Variants in TLN2 observed in about 807,000 individuals in gnomAD.
The protein encoded by TLN2 is talin-2.
In TLN2, 118 loss-of-function variants were observed where a neutral mutation model predicts 294.7. The ratio of observed to expected loss-of-function variants is 0.40; its 90% CI spans 0.34 to 0.47. TLN2 has a LOEUF of 0.47. Ranked by LOEUF, TLN2 falls within the 20% of genes least tolerant of loss-of-function variation. The pLI is 0.84. For synonymous variants in TLN2, 1,431 were observed against 1,304.5 expected, an observed-to-expected ratio of 1.10 and a Z score of -2.09; for missense variants, 3,083 against 3,282.2, an observed-to-expected ratio of 0.94 and a Z score of 1.48.
chr15:62,628,106 G>C (rs1324788333), intron 3 of TLN2, among the ~76,000 whole-genome samples: 2 of 152,200 alleles, frequency 1.3e-5, no homozygotes, highest in Non-Finnish European at 2.9e-5. Flanking sequence ...TTCTTTAACT[G>C]AGAAGTCTAA....
At chr15:62,481,180 A>G (rs2038068137) in intron 1 of TLN2, among the ~76,000 whole-genome samples, 1 of 152,192 alleles carries the variant, frequency 6.6e-6, no homozygotes, top group African/African-American at 2.4e-5. Context: ...TTTCTAATGA[A>G]AGGGATGATT....
intron 1 of TLN2, among the ~76,000 whole-genome samples, chr15:62,419,713 T>C (rs141208536): frequency 1.3e-5 from 2 of 152,172 alleles, no homozygotes; most frequent in Non-Finnish European, 2.9e-5. Flanking sequence ...ATTGGCTCAC[T>C]GCAGCCTCGA....
At chr15:62,473,098 G>A (rs2037576665) in intron 1 of TLN2, among the ~76,000 whole-genome samples, 1 of 152,188 alleles carries the variant, frequency 6.6e-6, no homozygotes, top group South Asian at 2.1e-4. Flanking sequence ...TCCCAGACTG[G>A]GAGGCAGCCT....
intron 28 of TLN2, chr15:62,734,087 TCA>T (rs1005154573): frequency 1.1e-4 from 16 of 152,226 alleles, no homozygotes; most frequent in Non-Finnish European, 1.5e-5. Context: ...CTTTGAGATT[TCA>T]CAGTGAGTCC....
In TLN2 at chr15:62,676,832, C is replaced by G. The variant is rs559688383; in HGVS notation, c.957+1511C>G. ...GTTTCACCGTGTTGCCCAGGCTAGT[C>G]TTGAACTCCTGAGCTCAGGCAGTCC... is the stretch of plus-strand genomic sequence containing the variant. On this transcript the variant is annotated intron_variant, in intron 11 of 58. Transcript: ENST00000636159. Among the ~76,000 whole-genome samples the G allele has an allele frequency of 3.5e-4, 54 of 152,292 alleles. No homozygotes were observed. The South Asian group carries it at 0.011, about 32-fold the overall frequency.
chr15:62,673,731 TAGTG>T (rs2055784773), intron 9 of TLN2, 92 bp from the exon 10 acceptor site: 2 of 891,102 alleles, frequency 2.2e-6, no homozygotes, highest in Non-Finnish European at 3.6e-6. Context: ...TTGGGAGACT[TAGTG>T]AGTTAACTAT....
intron 40 of TLN2, among the ~76,000 whole-genome samples, chr15:62,765,985 T>G (rs1214584315): frequency 6.6e-6 from 1 of 152,204 alleles, no homozygotes; most frequent in Non-Finnish European, 1.5e-5. Flanking sequence ...TTGGAAGAAG[T>G]TGTCGTTCCT....
chr15:62,761,639 T>A, intron 37 of TLN2, 42 bp from the exon 38 acceptor site: 2 of 1,612,872 alleles, frequency 1.2e-6, no homozygotes, highest in Non-Finnish European at 8.5e-7. Context: ...AAATAATTTG[T>A]GCTTCTCAAT....
chr15:62,732,322 G>GC (rs1280802651), intron 28 of TLN2, among the ~76,000 whole-genome samples: 1 of 152,146 alleles, frequency 6.6e-6, no homozygotes, highest in Non-Finnish European at 1.5e-5. Context: ...CCTAGAAGTA[G>GC]CCCCATTTAA....
At chr15:62,394,510 C>T (rs1326928419) in intron 1 of TLN2, among the ~76,000 whole-genome samples, 3 of 152,242 alleles carry the variant, frequency 2.0e-5, no homozygotes, top group African/African-American at 7.2e-5. Context: ...ACTTTTTAAT[C>T]GTATTACTTT....
chr15:62,604,417 C>T (rs2047244826), intron 2 of TLN2, among the ~76,000 whole-genome samples: 3 of 151,422 alleles, frequency 2.0e-5, no homozygotes, highest in South Asian at 4.2e-4. Flanking sequence ...GTGACATGCA[C>T]CTCCCGTCCC....
At chr15:62,547,917 C>T (rs1474507111) in intron 1 of TLN2, among the ~76,000 whole-genome samples, 1 of 152,192 alleles carries the variant, frequency 6.6e-6, no homozygotes, top group Non-Finnish European at 1.5e-5. Flanking sequence ...GAAGGAGTGA[C>T]TGGCAGTGAT....
chr15:62,727,161 T>C lies in TLN2; in HGVS notation c.3330T>C (p.Cys1110=). 1 of 1,614,214 alleles carries C rather than the reference T, an allele frequency of 6.2e-7. No homozygotes were observed. Among genetic ancestry groups the C allele is most frequent in the South Asian group, 1.1e-5 (1 of 91,072 alleles). Residue 1110 remains cysteine, a synonymous_variant, in exon 28 of 59, where the codon TGT becomes TGC. Transcript: ENST00000636159. ...VGSSMAQLLT[C]AAQGNEHYTG... ...CCTCCATGGCACAGCTGCTGACCTGTGCTGCTCAAGGCAACGAACACTACA... is the reference window on the plus strand; with the variant it reads ...CCTCCATGGCACAGCTGCTGACCTGCGCTGCTCAAGGCAACGAACACTACA...
intron 1 of TLN2, among the ~76,000 whole-genome samples, chr15:62,463,496 C>T (rs1027709447): frequency 2.0e-5 from 3 of 151,956 alleles, no homozygotes; most frequent in East Asian, 1.9e-4. Context: ...TTTGTTAATG[C>T]GATGTGAGTG....
At chr15:62,735,192 A>G (rs1248719594) in intron 28 of TLN2, among the ~76,000 whole-genome samples, 1 of 152,194 alleles carries the variant, frequency 6.6e-6, no homozygotes, top group Non-Finnish European at 1.5e-5. Context: ...ACCAGGCTTC[A>G]TCTGTGAAAT....
At chr15:62,468,254 A>G (rs943783821) in intron 1 of TLN2, among the ~76,000 whole-genome samples, 11 of 152,190 alleles carry the variant, frequency 7.2e-5, no homozygotes, top group Non-Finnish European at 1.5e-4. Flanking sequence ...GAAATGAGCC[A>G]GAGGGTATAG....
rs747078382 is a variant in TLN2 at position 62,761,733 on chromosome 15, C to T, written c.4691C>T (p.Thr1564Ile). 2 of 1,614,190 alleles carry T rather than the reference C, an allele frequency of 1.2e-6. No homozygotes were observed. The highest frequency in any genetic ancestry group is 4.5e-5 in the East Asian group (2 of 44,878). ...AACCGCAATAAGTGTCGCATCGCCA[C>T]CGCACCCTTGATTGAAGCTGTGGAG... is the stretch of plus-strand genomic sequence containing the variant. ...EDNRNKCRIA[T>I]APLIEAVENL... The change falls in exon 38 of 59, where the codon ACC (threonine) becomes ATC (isoleucine). Residue 1564 changes from threonine (T) to isoleucine (I), a missense_variant. By Grantham distance (89) the Thr-to-Ile change is moderately conservative (BLOSUM62 -1). Coordinates refer to ENST00000636159, the MANE Select transcript of TLN2 (RefSeq NM_015059.3).
chr15:62,603,967 G>C (rs1029218700), intron 2 of TLN2, among the ~76,000 whole-genome samples: 1 of 152,206 alleles, frequency 6.6e-6, no homozygotes, highest in Admixed American at 6.5e-5. Context: ...CAACTCTGCT[G>C]TTGGCACACA....
intron 1 of TLN2, among the ~76,000 whole-genome samples, chr15:62,582,430 A>G (rs1204877121): frequency 6.6e-6 from 1 of 152,192 alleles, no homozygotes; most frequent in African/African-American, 2.4e-5. Context: ...GCCCTGTAAG[A>G]GCTCACAGTC....
Sources: allele counts gnomAD v4.1 joint callset (sites outside exome capture counted in the v4.1 genomes callset), GRCh38; gene constraint gnomAD v4.1.1; transcripts MANE v1.5; gene names NCBI Gene and HGNC (gene_info 2026-07-23, HGNC 2026-07-21).